RET: variants seen among roughly 807,000 people sequenced by gnomAD.
The protein encoded by RET is proto-oncogene tyrosine-protein kinase receptor Ret.
Under a neutral mutation model 118.3 loss-of-function variants are expected in RET, and 19 were observed. That is an observed-to-expected ratio of 0.16 (90% CI 0.11 to 0.24). The LOEUF (loss-of-function observed/expected upper bound fraction) is 0.24, where lower values mean the gene tolerates loss of function less well. Ranked by LOEUF, RET falls within the 10% of genes least tolerant of loss-of-function variation. The pLI is 1.00. For missense variants in RET, 1,219 were observed against 1,502.1 expected, an observed-to-expected ratio of 0.81 and a Z score of 3.12; for synonymous variants, 597 against 644.1, an observed-to-expected ratio of 0.93 and a Z score of 1.11.
At chr10:43,102,765 T>G in intron 3 of RET, 136 bp downstream of exon 3, 1 of 1,084,468 alleles carries the variant, frequency 9.2e-7, no homozygotes, top group Non-Finnish European at 1.4e-6. Context: ...GAAGTACCTC[T>G]TGCATGCCTG....
chr10:43,102,481 C>T lies in RET; in HGVS notation c.477C>T (p.Ser159=). 6.2e-7 allele frequency: 1 copy of T among 1,614,216 alleles called. No homozygotes were observed. Among genetic ancestry groups the T allele is most frequent in the South Asian group, 1.1e-5 (1 of 91,088 alleles). ...ACACCTCCTTTCCAGCCTGCAGCTC[C>T]CTCAAGCCCCGGGAGCTCTGCTTCC... ...FFNTSFPACS[S]LKPRELCFPE... is the part of the protein sequence containing the mutation. Residue 159 remains serine, a synonymous_variant, in exon 3 of 20, where the codon TCC becomes TCT. Coordinates refer to ENST00000355710, the MANE Select transcript of RET (RefSeq NM_020975.6).
At chr10:43,110,860 T>G (rs1364457302) in intron 6 of RET, among the ~76,000 whole-genome samples, 1 of 151,982 alleles carries the variant, frequency 6.6e-6, no homozygotes, top group Non-Finnish European at 1.5e-5. Flanking sequence ...GGCTTTGTTG[T>G]CTGAGTGAGG....
chr10:43,128,286 GT>G lies in RET; in HGVS notation c.*18del, dbSNP rs1838379226. The G allele has an allele frequency of 6.2e-7, 1 of 1,613,830 alleles. No individual in the cohort carries two copies. The highest frequency in any genetic ancestry group is 8.5e-7 in the Non-Finnish European group (1 of 1,179,826). On this transcript the variant is annotated 3_prime_UTR_variant, in exon 20 of 20. Transcript: ENST00000355710. ...GATAGTTAACATTTCTTTGTGAAAG[GT>G]AATGGACTCACAAGGGGAAGAAACA...
chr10:43,090,318 C>T (rs1837384324), intron 1 of RET, among the ~76,000 whole-genome samples: 1 of 152,172 alleles, frequency 6.6e-6, no homozygotes, highest in Non-Finnish European at 1.5e-5. Context: ...TTAATCGTCA[C>T]TTGGAAACCA....
chr10:43,107,075 G>A (rs778399348), intron 5 of RET, among the ~76,000 whole-genome samples: 1 of 152,220 alleles, frequency 6.6e-6, no homozygotes, highest in Non-Finnish European at 1.5e-5. Flanking sequence ...TGCTTGCAGG[G>A]CACCTTTCAG....
At position 43,114,400 on chromosome 10, in the gene RET, T is replaced by C; in HGVS notation, c.1880-80T>C. The C allele has an allele frequency of 1.9e-6, 3 of 1,577,278 alleles. No homozygotes were observed. Among genetic ancestry groups the C allele is most frequent in the Non-Finnish European group, 2.6e-6 (3 of 1,163,668 alleles). On this transcript the variant is annotated intron_variant, in intron 10 of 19. Coordinates refer to ENST00000355710, the MANE Select transcript of RET (RefSeq NM_020975.6). The surrounding 1 kb of genome is among the most constrained non-coding windows in gnomAD (Gnocchi z 4.6). ...GCGGACACGGCAGGCTGGAGAGCCATGAGGCAGAGCATACGCAGCCTGTAC... is the reference window on the plus strand; with the variant it reads ...GCGGACACGGCAGGCTGGAGAGCCACGAGGCAGAGCATACGCAGCCTGTAC...
At chr10:43,090,836 C>T (rs995943017) in intron 1 of RET, among the ~76,000 whole-genome samples, 7 of 149,678 alleles carry the variant, frequency 4.7e-5, no homozygotes, top group East Asian at 2.0e-4. Flanking sequence ...CTGGCCCTAG[C>T]GGCCCAGCCC....
At position 43,125,032 on chromosome 10, in the gene RET, TC is replaced by T. The variant is rs1838301122; in HGVS notation, c.3039+52del. The T allele has an allele frequency of 4.6e-6, 7 of 1,535,840 alleles. No homozygotes were observed. The East Asian group carries it at 1.6e-4, about 35-fold the overall frequency. ...CAAGCTGAAAGTGGCTTGGGGAGAC[TC>T]CAGCCTCACCCCAGGGCAGTAGTTT... is the stretch of plus-strand genomic sequence containing the variant. On this transcript the variant is annotated intron_variant, in intron 18 of 19. Transcript: ENST00000355710.
intron 1 of RET, among the ~76,000 whole-genome samples, chr10:43,088,867 C>A (rs1009949560): frequency 6.6e-6 from 1 of 152,200 alleles, no homozygotes; most frequent in African/African-American, 2.4e-5. Flanking sequence ...CCAGCATTCA[C>A]CTCCGGCCCT....
intron 3 of RET, 131 bp downstream of exon 3, chr10:43,102,760 ACCTCTTGCATG>A: frequency 8.7e-7 from 1 of 1,145,164 alleles, no homozygotes; most frequent in Non-Finnish European, 1.3e-6. Context: ...TTCCAGAAGT[ACCTCTTGCATG>A]CCTGCCAGGG....
At position 43,116,585 on chromosome 10, in the gene RET, A is replaced by T; in HGVS notation, c.2138A>T (p.Glu713Val). The T allele has an allele frequency of 1.3e-6, 2 of 1,519,928 alleles. No individual in the cohort carries two copies. The highest frequency in any genetic ancestry group is 1.8e-6 in the Non-Finnish European group (2 of 1,118,634). 94.2% of individuals were successfully genotyped at this position (1,519,928 alleles called of 1,614,324 possible). Residue 713 changes from glutamate (E) to valine (V), a missense_variant and splice_region_variant, in exon 12 of 20, where the codon GAG becomes GTG. Physicochemically the swap from Glu to Val is moderately radical, Grantham distance 121. Coordinates refer to ENST00000355710, the MANE Select transcript of RET (RefSeq NM_020975.6). Reference sequence around the variant, plus strand: ...CCCCTTCCCTCATTTCCAACATAGGAGGATCCAAAGTGGGAATTCCCTCGG... The same window carrying T: ...CCCCTTCCCTCATTTCCAACATAGGTGGATCCAAAGTGGGAATTCCCTCGG... ...QVSVDAFKIL[E>V]DPKWEFPRKN... is the part of the protein sequence containing the mutation.
chr10:43,088,645 TG>T (rs1453695678), intron 1 of RET, among the ~76,000 whole-genome samples: 3 of 152,090 alleles, frequency 2.0e-5, no homozygotes, highest in African/African-American at 7.3e-5. Flanking sequence ...TCCTGTGTGG[TG>T]GGAGCTCTGA....
chr10:43,101,547 A>G (rs563548534), intron 2 of RET, among the ~76,000 whole-genome samples: 2 of 152,326 alleles, frequency 1.3e-5, no homozygotes, highest in African/African-American at 2.4e-5. Flanking sequence ...TCGTGGTTCT[A>G]CGCACTTAGT....
chr10:43,096,455 G>A (rs777160331), intron 1 of RET, among the ~76,000 whole-genome samples: 3 of 152,076 alleles, frequency 2.0e-5, no homozygotes, highest in Non-Finnish European at 4.4e-5. Flanking sequence ...ACCCAGCCTT[G>A]CTGTTCTTAT....
In RET at chr10:43,110,635, G is replaced by T. The variant is rs1056287895; in HGVS notation, c.1264-572G>T. Among the ~76,000 whole-genome samples, 3 of 152,140 alleles carry T rather than the reference G, an allele frequency of 2.0e-5. No homozygotes were observed. In the East Asian group the frequency reaches 5.8e-4, roughly 29 times the overall value. On this transcript the variant is annotated intron_variant, in intron 6 of 19. Coordinates refer to ENST00000355710, the MANE Select transcript of RET (RefSeq NM_020975.6). ...GAGAAGAGGCTCCTCTTTCCCAGAG[G>T]CTCTGCTCAAAGTCCCAGGGAGGCC...
chr10:43,116,409 TG>T (rs774318691), intron 11 of RET, among the ~76,000 whole-genome samples, 174 bp from the exon 12 acceptor site: 7 of 152,176 alleles, frequency 4.6e-5, no homozygotes, highest in Admixed American at 6.5e-5. Context: ...GGCCTGGCTG[TG>T]GGGTCCTGCC....
chr10:43,121,199 G>A lies in RET; in HGVS notation c.2731-747G>A, dbSNP rs560956771. Among the ~76,000 whole-genome samples the A allele has an allele frequency of 1.1e-4, 17 of 152,316 alleles. No homozygotes were observed. The South Asian group carries it at 2.5e-3, about 22-fold the overall frequency. On this transcript the variant is annotated intron_variant, in intron 15 of 19. Transcript: ENST00000355710. The stretch of plus-strand genomic sequence containing the variant: ...AGCTGAAGGCATTCTTATACAAGAC[G>A]TGCAGGCTACACTGTCACACACTGC...
chr10:43,096,480 G>C (rs940071317), intron 1 of RET, among the ~76,000 whole-genome samples: 1 of 152,170 alleles, frequency 6.6e-6, no homozygotes, highest in Non-Finnish European at 1.5e-5. Flanking sequence ...GAAATGGGCA[G>C]TGAAGGGATC....
chr10:43,124,345 G>A lies in RET; in HGVS notation c.2939+537G>A, dbSNP rs116020045. Reference sequence around the variant, plus strand: ...GGGCGTGGAGGGGGCATGCTGGGCCGAGAAGCCAGGTACCACCTCCCTGGG... The same window carrying A: ...GGGCGTGGAGGGGGCATGCTGGGCCAAGAAGCCAGGTACCACCTCCCTGGG... On this transcript the variant is annotated intron_variant, in intron 17 of 19. Transcript: ENST00000355710. Among the ~76,000 whole-genome samples, 883 of 152,246 alleles carry A rather than the reference G, an allele frequency of 5.8e-3. 9 individuals are homozygous for A. Among genetic ancestry groups the A allele is most frequent in the African/African-American group, 0.019 (778 of 41,556 alleles).
Sources: gnomAD v4.1 joint callset for allele counts (sites outside exome capture counted in the v4.1 genomes callset) on GRCh38, gnomAD v4.1.1 for gene constraint, Gnocchi (gnomAD v3.1) non-coding constraint, MANE v1.5 for transcripts, NCBI Gene and HGNC (gene_info 2026-07-23, HGNC 2026-07-21) for gene names.